Variants in SLC37A1 observed in about 807,000 individuals in gnomAD.
The protein encoded by SLC37A1 is glucose-6-phosphate exchanger SLC37A1.
Under a neutral mutation model 75.3 loss-of-function variants are expected in SLC37A1, and 49 were observed. The observed-to-expected ratio is 0.65, with a 90% CI of 0.52 to 0.83. The LOEUF (loss-of-function observed/expected upper bound fraction) is 0.83, where lower values mean the gene tolerates loss of function less well. SLC37A1 is among the 40% of genes least tolerant of loss of function. The pLI is 0.00. For synonymous variants in SLC37A1, 268 were observed against 292.1 expected (o/e 0.92, Z 0.84); for missense variants, 566 against 695.0 (o/e 0.81, Z 2.09).
chr21:42,532,255 C>A (rs117566949), intron 3 of SLC37A1, among the ~76,000 whole-genome samples: 1 of 152,216 alleles, frequency 6.6e-6, no homozygotes, highest in Admixed American at 6.5e-5. Flanking sequence ...CATTTCTAAT[C>A]GGATATGTTT....
chr21:42,548,587 C>T lies in SLC37A1; in HGVS notation c.768+1447C>T, dbSNP rs1422130361. Reference sequence around the variant, plus strand: ...CTACCACCCTGGTCCCCGTCACCACCGTCAGCTCTCCTCCGAGCCACTGCT... The same window carrying T: ...CTACCACCCTGGTCCCCGTCACCACTGTCAGCTCTCCTCCGAGCCACTGCT... On this transcript the variant is annotated intron_variant, in intron 9 of 19. Transcript: ENST00000352133. The surrounding 1 kb of genome is among the most constrained non-coding windows in gnomAD (Gnocchi z 5.6). 6.6e-6 allele frequency among the ~76,000 whole-genome samples: 1 copy of T among 152,206 alleles called. No homozygotes were observed. Among genetic ancestry groups the T allele is most frequent in the Admixed American group, 6.5e-5 (1 of 15,286 alleles).
rs1046447642 is a variant in SLC37A1, at chr21:42,545,691, T to C, written c.731-1412T>C. On this transcript the variant is annotated intron_variant, in intron 8 of 19. Coordinates refer to ENST00000352133, the MANE Select transcript of SLC37A1 (RefSeq NM_001320537.2). The surrounding 1 kb of genome is among the most constrained non-coding windows in gnomAD (Gnocchi z 4.0). ...AGCCATATCAGGGGAAGCCCCTGGC[T>C]TACCCCTGGGGGCATCACACTGTGA... 3.9e-5 allele frequency among the ~76,000 whole-genome samples: 6 copies of C among 152,230 alleles called. No homozygotes were observed. The highest frequency in any genetic ancestry group is 2.0e-4 in the Admixed American group (3 of 15,288).
chr21:42,531,570 A>G (rs2054980026), intron 3 of SLC37A1, among the ~76,000 whole-genome samples: 1 of 152,208 alleles, frequency 6.6e-6, no homozygotes, highest in South Asian at 2.1e-4. Flanking sequence ...ATGAAAGCAG[A>G]CGTTTCCCAA....
At chr21:42,542,536 T>G (rs959059169) in intron 7 of SLC37A1, 56 bp downstream of exon 7, 26 of 1,563,028 alleles carry the variant, frequency 1.7e-5, no homozygotes, top group Non-Finnish European at 2.1e-5. Context: ...CATTTTACTT[T>G]TAGTTTTTCT....
chr21:42,511,613 C>T (rs2054433919), upstream of SLC37A1, among the ~76,000 whole-genome samples: 3 of 152,178 alleles, frequency 2.0e-5, no homozygotes, highest in Admixed American at 2.0e-4. Flanking sequence ...TATCAAGACC[C>T]TGTGTCTACA....
chr21:42,556,569 C>T (rs2055696636), intron 10 of SLC37A1, among the ~76,000 whole-genome samples: 1 of 152,214 alleles, frequency 6.6e-6, no homozygotes, highest in African/African-American at 2.4e-5. Flanking sequence ...AGAGGGAACC[C>T]TTTTCTCTTT....
chr21:42,541,683 TC>T (rs2055287279), intron 6 of SLC37A1, among the ~76,000 whole-genome samples: 1 of 152,246 alleles, frequency 6.6e-6, no homozygotes, highest in Non-Finnish European at 1.5e-5. Flanking sequence ...GCCATGTTTA[TC>T]ATACAATTCT....
intron 17 of SLC37A1, among the ~76,000 whole-genome samples, chr21:42,572,677 C>CACAAAAAAA (rs1378861804): frequency 5.0e-5 from 4 of 80,516 alleles, no homozygotes; most frequent in East Asian, 2.3e-4. Flanking sequence ...CACACACACA[C>CACAAAAAAA]AAAAAAAAAA....
chr21:42,522,416 G>A (rs190845439), intron 2 of SLC37A1, among the ~76,000 whole-genome samples: 15 of 152,318 alleles, frequency 9.8e-5, no homozygotes, highest in Non-Finnish European at 1.6e-4. Flanking sequence ...AGAGTGAAGC[G>A]TCTGCCTACC....
intron 3 of SLC37A1, among the ~76,000 whole-genome samples, chr21:42,533,721 AG>A (rs2055057890): frequency 6.6e-6 from 1 of 152,098 alleles, no homozygotes. Context: ...CTGTGCAAAA[AG>A]CCTGGTGTTC....
chr21:42,535,304 C>G (rs1320356274), intron 4 of SLC37A1, among the ~76,000 whole-genome samples, 168 bp from the exon 5 acceptor site: 1 of 152,226 alleles, frequency 6.6e-6, no homozygotes, highest in African/African-American at 2.4e-5. Context: ...TTTTCCTTTG[C>G]AAGAAACTGA....
At chr21:42,554,749 C>T (rs779159055) in intron 10 of SLC37A1, among the ~76,000 whole-genome samples, 5 of 152,190 alleles carry the variant, frequency 3.3e-5, no homozygotes, top group Non-Finnish European at 5.9e-5. Context: ...AGTTAATCTG[C>T]CTTGTCATCC....
chr21:42,548,558 G>A lies in SLC37A1; in HGVS notation c.768+1418G>A, dbSNP rs944838314. On this transcript the variant is annotated intron_variant, in intron 9 of 19. Transcript: ENST00000352133. The surrounding 1 kb of genome is among the most constrained non-coding windows in gnomAD (Gnocchi z 5.6). ...GAATGGAAACCCTCTCACCTCCTCC[G>A]CCTCTACCACCCTGGTCCCCGTCAC... Among the ~76,000 whole-genome samples, 7 of 151,992 alleles carry A rather than the reference G, an allele frequency of 4.6e-5. No homozygotes were observed. The highest frequency in any genetic ancestry group is 3.9e-4 in the Admixed American group (6 of 15,276).
intron 17 of SLC37A1, among the ~76,000 whole-genome samples, chr21:42,569,523 G>A (rs868338693): frequency 5.2e-5 from 1 of 19,246 alleles, no homozygotes; most frequent in Admixed American, 5.4e-4. Context: ...CCCTCGTGCC[G>A]CACTCCCTCG....
At chr21:42,505,057 A>G (rs1308711664) in intron 2 of SLC37A1, among the ~76,000 whole-genome samples, 1 of 152,200 alleles carries the variant, frequency 6.6e-6, no homozygotes, top group Non-Finnish European at 1.5e-5. Context: ...AGACGCCAAC[A>G]GCCCAGGTGG....
intron 3 of SLC37A1, among the ~76,000 whole-genome samples, chr21:42,527,329 A>G (rs2054822739): frequency 6.6e-6 from 1 of 151,910 alleles, no homozygotes. Context: ...GGCCCCTGTG[A>G]GCCAGGAGCA....
chr21:42,534,073 T>G (rs2055067419), intron 3 of SLC37A1, among the ~76,000 whole-genome samples: 1 of 152,212 alleles, frequency 6.6e-6, no homozygotes, highest in African/African-American at 2.4e-5. Context: ...GGATGGACCC[T>G]TTCTGGCTCC....
At chr21:42,527,369 G>A (rs902365823) in intron 3 of SLC37A1, among the ~76,000 whole-genome samples, 7 of 152,166 alleles carry the variant, frequency 4.6e-5, no homozygotes, top group East Asian at 1.9e-4. Context: ...TCCCTCTCCC[G>A]GCTTTCCTGG....
In SLC37A1 at chr21:42,515,227, A is replaced by T. The variant is rs73905677; in HGVS notation, c.-179+510A>T. On this transcript the variant is annotated intron_variant, in intron 1 of 19. Coordinates refer to ENST00000352133, the MANE Select transcript of SLC37A1 (RefSeq NM_001320537.2). ...ATGGAAAGCGCCTTTAAAAGCAAAA[A>T]GCCATAGAAAGAGCACACTCTGGAC... 4.7e-3 allele frequency among the ~76,000 whole-genome samples: 713 copies of T among 152,216 alleles called. 7 individuals carry two copies. The highest frequency in any genetic ancestry group is 0.016 in the African/African-American group (670 of 41,490).
Sources: allele counts gnomAD v4.1 joint callset (sites outside exome capture counted in the v4.1 genomes callset), GRCh38; gene constraint gnomAD v4.1.1; non-coding constraint Gnocchi (gnomAD v3.1); transcripts MANE v1.5; gene names NCBI Gene and HGNC (gene_info 2026-07-23, HGNC 2026-07-21).